ANAPC10: variants seen among roughly 807,000 people sequenced by gnomAD.
The protein encoded by ANAPC10 is anaphase-promoting complex subunit 10.
A neutral mutation model predicts 22.0 loss-of-function variants in ANAPC10; 12 were observed. That is an observed-to-expected ratio of 0.55 (90% CI 0.35 to 0.88). ANAPC10 has a LOEUF of 0.88. Among genes scored for constraint, ANAPC10 ranks in the 40% least tolerant of loss-of-function variants. The pLI, the probability that ANAPC10 is intolerant of heterozygous loss-of-function variation, is 0.01. For missense variants in ANAPC10, 188 were observed against 220.9 expected (o/e 0.85, Z 0.94); for synonymous variants, 65 against 69.5 (o/e 0.94, Z 0.32).
intron 2 of ANAPC10, among the ~76,000 whole-genome samples, chr4:145,087,793 T>A (rs914450832): frequency 1.3e-5 from 2 of 152,124 alleles, no homozygotes; most frequent in Admixed American, 1.3e-4. Flanking sequence ...ATGCCTATAA[T>A]CCCAGCATTT....
Position 144,995,620 on chromosome 4 carries a change from A to C in ANAPC10, c.328-17T>G. 2 of 1,537,462 alleles carry C rather than the reference A, an allele frequency of 1.3e-6. No individual in the cohort carries two copies. The highest frequency in any genetic ancestry group is 1.8e-6 in the Non-Finnish European group (2 of 1,119,310). On this transcript the variant is annotated splice_polypyrimidine_tract_variant and intron_variant, in intron 4 of 4. Coordinates refer to ENST00000507656, the MANE Select transcript of ANAPC10 (RefSeq NM_001256706.2). The stretch of plus-strand genomic sequence containing the variant: ...CTCAAGTTGCTGCCAAGGGAAAAAA[A>C]ATCAGATTATGCTTTTATTCAACAA...
At chr4:145,009,722 G>C (rs1733991618) in intron 4 of ANAPC10, among the ~76,000 whole-genome samples, 1 of 152,100 alleles carries the variant, frequency 6.6e-6, no homozygotes, top group Non-Finnish European at 1.5e-5. Flanking sequence ...AAAAACCCTA[G>C]AAGAAAACCT....
intron 4 of ANAPC10, among the ~76,000 whole-genome samples, chr4:145,024,576 T>C (rs1736395609): frequency 6.6e-6 from 1 of 152,202 alleles, no homozygotes; most frequent in Non-Finnish European, 1.5e-5. Flanking sequence ...TGAGCAGTAA[T>C]ATTTTGAAAT....
intron 4 of ANAPC10, among the ~76,000 whole-genome samples, chr4:145,003,000 T>C (rs546326300): frequency 2.0e-5 from 3 of 152,252 alleles, no homozygotes; most frequent in Admixed American, 2.0e-4. Context: ...TAGTTTTCCA[T>C]TCCCACCCTC....
At chr4:145,011,859 G>A (rs893469245) in intron 4 of ANAPC10, among the ~76,000 whole-genome samples, 12 of 152,068 alleles carry the variant, frequency 7.9e-5, no homozygotes, top group Non-Finnish European at 1.5e-5. Context: ...CAGGGCTAAG[G>A]AGGGAAGCAC....
At chr4:145,044,061 TC>T (rs548929448) in intron 4 of ANAPC10, among the ~76,000 whole-genome samples, 11 of 152,096 alleles carry the variant, frequency 7.2e-5, no homozygotes, top group African/African-American at 2.2e-4. Flanking sequence ...CCCAACACTT[TC>T]CCCCTTCCTC....
chr4:145,013,679 G>C (rs1247061603), intron 4 of ANAPC10, among the ~76,000 whole-genome samples: 2 of 152,044 alleles, frequency 1.3e-5, no homozygotes, highest in Non-Finnish European at 1.5e-5. Context: ...GAATAAATCA[G>C]GAATCCCAAG....
chr4:145,072,898 GTT>G (rs142772988), intron 3 of ANAPC10, among the ~76,000 whole-genome samples: 9 of 136,570 alleles, frequency 6.6e-5, no homozygotes, highest in East Asian at 2.1e-4. Flanking sequence ...TTACGTATCT[GTT>G]TTTTTTTTTT....
At chr4:145,027,095 C>A (rs1401209859) in intron 4 of ANAPC10, among the ~76,000 whole-genome samples, 2 of 135,798 alleles carry the variant, frequency 1.5e-5, no homozygotes, top group East Asian at 4.6e-4. Flanking sequence ...CCTCTGCCAC[C>A]TGGGTTCAAG....
rs35321410 is a variant in ANAPC10 at position 145,042,717 on chromosome 4, A to C, written c.327+21855T>G. ...CAGAAAACACAGAGTCTTTATTCCA[A>C]GAGGAACTTTCAGTAAAAAAAAAAT... On this transcript the variant is annotated intron_variant, in intron 4 of 4. Transcript: ENST00000507656. Among the ~76,000 whole-genome samples the C allele has an allele frequency of 5.3e-5, 8 of 152,202 alleles. No homozygotes were observed. In the East Asian group the frequency reaches 1.5e-3, roughly 29 times the overall value.
At chr4:145,034,523 T>TTATATA (rs370113295) in intron 4 of ANAPC10, among the ~76,000 whole-genome samples, 1,693 of 91,748 alleles carry the variant, frequency 0.018, 63 homozygotes, top group African/African-American at 0.07. Flanking sequence ...AAACTCTCCT[T>TTATATA]TATATATATA....
At chr4:145,017,411 C>T (rs1735342436) in intron 4 of ANAPC10, among the ~76,000 whole-genome samples, 1 of 152,102 alleles carries the variant, frequency 6.6e-6, no homozygotes, top group African/African-American at 2.4e-5. Flanking sequence ...AAATCAAAAC[C>T]ACAATGAGAT....
intron 4 of ANAPC10, chr4:145,053,667 G>C: frequency 3.9e-6 from 2 of 506,608 alleles, no homozygotes; most frequent in Non-Finnish European, 7.0e-6. Context: ...AGGAGAAATG[G>C]ACACAGAAAA....
chr4:145,085,552 C>CA (rs200306281), intron 2 of ANAPC10, among the ~76,000 whole-genome samples: 22 of 143,318 alleles, frequency 1.5e-4, no homozygotes, highest in East Asian at 8.0e-4. Flanking sequence ...TCTTAAAATG[C>CA]AAAAAAAAAA....
At chr4:145,049,021 A>G (rs1197790621) in intron 4 of ANAPC10, among the ~76,000 whole-genome samples, 9 of 152,220 alleles carry the variant, frequency 5.9e-5, no homozygotes, top group Admixed American at 2.0e-4. Flanking sequence ...CAGTCATACA[A>G]TGTTTTGGTT....
intron 4 of ANAPC10, among the ~76,000 whole-genome samples, chr4:144,998,618 G>A (rs1578852087): frequency 6.6e-6 from 1 of 152,212 alleles, no homozygotes; most frequent in Admixed American, 6.5e-5. Flanking sequence ...ATGTAAAGCA[G>A]TGTGTCGAGG....
Position 145,079,167 on chromosome 4 carries a change from G to A in ANAPC10, c.206+2493C>T, listed in dbSNP as rs544324446. ...AAGGTCTAATATCCAGAAACTATAA[G>A]GAACTTAAATTTACAAGAAAAAAGC... On this transcript the variant is annotated intron_variant, in intron 3 of 4. Transcript: ENST00000507656. 8.6e-5 allele frequency among the ~76,000 whole-genome samples: 13 copies of A among 152,002 alleles called. No individual in the cohort carries two copies. The South Asian group carries it at 1.9e-3, about 22-fold the overall frequency.
intron 1 of ANAPC10, chr4:145,097,488 T>C (rs768210518): frequency 7.8e-7 from 1 of 1,287,224 alleles, no homozygotes; most frequent in South Asian, 1.2e-5. Flanking sequence ...GCAATAGTTC[T>C]GCATACCGTT....
chr4:145,032,543 G>A (rs1374270446), intron 4 of ANAPC10, among the ~76,000 whole-genome samples: 1 of 152,166 alleles, frequency 6.6e-6, no homozygotes, highest in Non-Finnish European at 1.5e-5. Flanking sequence ...TAATCACATG[G>A]ATAGGATGAC....
Sources: gnomAD v4.1 joint callset for allele counts (sites outside exome capture counted in the v4.1 genomes callset) on GRCh38, gnomAD v4.1.1 for gene constraint, MANE v1.5 for transcripts, NCBI Gene and HGNC (gene_info 2026-07-23, HGNC 2026-07-21) for gene names.